CTIF: variants seen among roughly 807,000 people sequenced by gnomAD.
CTIF encodes CBP80/20-dependent translation initiation factor.
In CTIF, 21 loss-of-function variants were observed where a neutral mutation model predicts 66.0. The observed-to-expected ratio is 0.32, with a 90% CI of 0.23 to 0.46. The LOEUF (loss-of-function observed/expected upper bound fraction) is 0.46. Among genes scored for constraint, CTIF ranks in the 20% least tolerant of loss-of-function variants. The probability of loss-of-function intolerance (pLI) is 1.00; values close to 1 mark genes in which losing one functional copy is unlikely to be tolerated. For missense variants in CTIF, 739 were observed against 812.7 expected (o/e 0.91, Z 1.10); for synonymous variants, 345 against 326.4 (o/e 1.06, Z -0.62).
chr18:48,621,603 G>A, intron 2 of CTIF: 1 of 363,710 alleles, frequency 2.7e-6, no homozygotes, highest in Non-Finnish European at 5.3e-6. Flanking sequence ...TCGAGGGAGT[G>A]GGATGGGGAG....
At chr18:48,587,782 A>AT (rs145762520) in intron 1 of CTIF, among the ~76,000 whole-genome samples, 2,716 of 151,918 alleles carry the variant, frequency 0.018, 82 homozygotes, top group African/African-American at 0.063. Context: ...TTAGTTTTAG[A>AT]TTTTTTCTTT....
intron 1 of CTIF, among the ~76,000 whole-genome samples, chr18:48,569,784 A>G (rs562232166): frequency 6.6e-6 from 1 of 152,328 alleles, no homozygotes; most frequent in East Asian, 1.9e-4. Flanking sequence ...CAGTGTGCAC[A>G]GGGATGAGAC....
At chr18:48,849,545 T>A (rs147037335) in intron 10 of CTIF, among the ~76,000 whole-genome samples, 1 of 151,388 alleles carries the variant, frequency 6.6e-6, no homozygotes, top group East Asian at 1.9e-4. Flanking sequence ...AATACATACA[T>A]ATACATATAA....
intron 6 of CTIF, among the ~76,000 whole-genome samples, chr18:48,684,550 A>T (rs1243192645): frequency 1.3e-5 from 2 of 152,132 alleles, no homozygotes; most frequent in East Asian, 3.8e-4. Flanking sequence ...AGAGAGAAGA[A>T]TTTTGTTCTC....
At chr18:48,705,403 A>G (rs1160912736) in intron 6 of CTIF, among the ~76,000 whole-genome samples, 1 of 152,156 alleles carries the variant, frequency 6.6e-6, no homozygotes, top group Admixed American at 6.5e-5. Flanking sequence ...CTTCTCCTAT[A>G]AGGACACCCA....
intron 7 of CTIF, among the ~76,000 whole-genome samples, chr18:48,716,106 G>A (rs1385720972): frequency 1.4e-5 from 2 of 144,988 alleles, no homozygotes; most frequent in East Asian, 1.9e-4. Flanking sequence ...GCTCCTGAAT[G>A]TGTATCACAG....
At chr18:48,717,874 C>T (rs971204049) in intron 7 of CTIF, among the ~76,000 whole-genome samples, 2 of 151,912 alleles carry the variant, frequency 1.3e-5, no homozygotes, top group Non-Finnish European at 2.9e-5. Flanking sequence ...GGACTATAGG[C>T]ACCCGCCACC....
At chr18:48,771,948 G>A (rs1490669456) in intron 9 of CTIF, among the ~76,000 whole-genome samples, 1 of 152,238 alleles carries the variant, frequency 6.6e-6, no homozygotes, top group East Asian at 1.9e-4. Context: ...GGCACCGCCT[G>A]GGCTGATGGA....
At chr18:48,812,271 C>T (rs368363556) in intron 9 of CTIF, among the ~76,000 whole-genome samples, 15 of 152,144 alleles carry the variant, frequency 9.9e-5, no homozygotes, top group African/African-American at 2.7e-4. Flanking sequence ...GCTGGCCATA[C>T]TATTTTTCAT....
At chr18:48,667,821 T>C (rs1236868241) in intron 5 of CTIF, among the ~76,000 whole-genome samples, 3 of 152,176 alleles carry the variant, frequency 2.0e-5, no homozygotes, top group Non-Finnish European at 4.4e-5. Context: ...CACTCCCAGG[T>C]TCCCAGGGAG....
At position 48,860,978 on chromosome 18, in the gene CTIF, G is replaced by GC. The variant is rs1167938368; in HGVS notation, c.*1426dup. 6.6e-5 allele frequency: 10 copies of GC among 152,028 alleles called. No individual in the cohort carries two copies. Among genetic ancestry groups the GC allele is most frequent in the African/African-American group, 7.3e-5 (3 of 41,366 alleles). The allele number at this position is 152,028 out of a possible 1,614,324, so 9.4% of individuals were successfully genotyped here. ...GGGGCTGGAGCACACACTTTGATGAGCCCCCCCGGAAATGATGTCAGAGCC... is the reference window on the plus strand; with the variant it reads ...GGGGCTGGAGCACACACTTTGATGAGCCCCCCCCGGAAATGATGTCAGAGCC... On this transcript the variant is annotated 3_prime_UTR_variant, in exon 12 of 12. Coordinates refer to ENST00000256413, the MANE Select transcript of CTIF (RefSeq NM_014772.3).
chr18:48,713,633 G>A (rs900141202), intron 7 of CTIF, among the ~76,000 whole-genome samples: 1 of 152,180 alleles, frequency 6.6e-6, no homozygotes, highest in African/African-American at 2.4e-5. Flanking sequence ...GGGGTGGAAA[G>A]TATGTCCTGT....
At chr18:48,584,019 T>A (rs1167825258) in intron 1 of CTIF, among the ~76,000 whole-genome samples, 2 of 152,206 alleles carry the variant, frequency 1.3e-5, no homozygotes, top group Non-Finnish European at 2.9e-5. Context: ...TTTGTGAGAA[T>A]CGGAAATAGA....
intron 9 of CTIF, among the ~76,000 whole-genome samples, chr18:48,796,250 C>T (rs937449385): frequency 1.8e-4 from 27 of 151,528 alleles, no homozygotes; most frequent in Non-Finnish European, 3.4e-4. Context: ...CTCGGCTCAC[C>T]GCAAGCTCCA....
At chr18:48,715,251 G>T (rs200483055) in intron 7 of CTIF, among the ~76,000 whole-genome samples, 1 of 146,814 alleles carries the variant, frequency 6.8e-6, no homozygotes, top group Admixed American at 6.8e-5. Flanking sequence ...TTTCCATTTT[G>T]AAAAAAAAAA....
intron 2 of CTIF, among the ~76,000 whole-genome samples, chr18:48,631,130 C>G (rs1245996222): frequency 6.6e-6 from 1 of 152,250 alleles, no homozygotes; most frequent in East Asian, 1.9e-4. Context: ...TCCTCCAATG[C>G]TCAGTACCCT....
At chr18:48,812,375 T>C (rs2068275869) in intron 9 of CTIF, among the ~76,000 whole-genome samples, 2 of 152,202 alleles carry the variant, frequency 1.3e-5, no homozygotes, top group South Asian at 2.1e-4. Context: ...CTTTCACTCA[T>C]AGGCAGGTTT....
intron 7 of CTIF, among the ~76,000 whole-genome samples, chr18:48,744,887 A>G (rs537054046): frequency 2.0e-5 from 3 of 150,832 alleles, no homozygotes; most frequent in African/African-American, 4.9e-5. Context: ...CAGTGGCGCA[A>G]TCTTGGCTCA....
At chr18:48,723,851 C>G (rs1442751269) in intron 7 of CTIF, among the ~76,000 whole-genome samples, 4 of 152,198 alleles carry the variant, frequency 2.6e-5, no homozygotes, top group Non-Finnish European at 4.4e-5. Flanking sequence ...TTTGGGGAAG[C>G]CAAGGTGGCC....
Sources: allele counts gnomAD v4.1 joint callset (sites outside exome capture counted in the v4.1 genomes callset), GRCh38; gene constraint gnomAD v4.1.1; transcripts MANE v1.5; gene names NCBI Gene and HGNC (gene_info 2026-07-23, HGNC 2026-07-21).